Variants in RAB5A observed in about 807,000 individuals in gnomAD.
RAB5A encodes RAB5A, member RAS oncogene family.
RAB5A carries 8 observed loss-of-function variants against 25.7 expected under a neutral mutation model. The observed-to-expected ratio is 0.31, with a 90% confidence interval of 0.18 to 0.56. The LOEUF is 0.56. Ranked by LOEUF, RAB5A falls within the 20% of genes least tolerant of loss-of-function variation. RAB5A has a pLI of 0.91. For synonymous variants in RAB5A, 98 were observed against 89.8 expected (o/e 1.09, Z -0.52); for missense variants, 192 against 259.7 (o/e 0.74, Z 1.79).
At chr3:19,962,000 G>A (rs1254017870) in intron 2 of RAB5A, among the ~76,000 whole-genome samples, 1 of 152,122 alleles carries the variant, frequency 6.6e-6, no homozygotes, top group African/African-American at 2.4e-5. Flanking sequence ...TTCTCACTCT[G>A]ATCTTTTCCT....
At position 19,963,376 on chromosome 3, in the gene RAB5A, C is replaced by CCCCG. The variant is rs869290360; in HGVS notation, c.164-12223_164-12222insCGCC. Among the ~76,000 whole-genome samples the CCCCG allele has an allele frequency of 5.2e-3, 449 of 86,476 alleles. 4 individuals carry two copies. The highest frequency in any genetic ancestry group is 0.013 in the South Asian group (25 of 1,868). The allele number at this position is 86,476 out of a possible 152,430, so 56.7% of individuals were successfully genotyped here. On this transcript the variant is annotated intron_variant, in intron 2 of 5. Transcript: ENST00000273047. Reference sequence around the variant, plus strand: ...ATCTTAGAATTTCACCCCCCCCCCCCCCGACTTATTTTCGTAAGATCAATT... The same window carrying CCCCG: ...ATCTTAGAATTTCACCCCCCCCCCCCCCCGCCGACTTATTTTCGTAAGATCAATT...
At chr3:19,973,148 G>A (rs755242565) in intron 2 of RAB5A, among the ~76,000 whole-genome samples, 10 of 152,080 alleles carry the variant, frequency 6.6e-5, no homozygotes, top group African/African-American at 2.4e-4. Context: ...ATTTTATATC[G>A]GGGACTTGAG....
At chr3:19,982,763 TAAA>T (rs62910362) in intron 5 of RAB5A, among the ~76,000 whole-genome samples, 6 of 139,808 alleles carry the variant, frequency 4.3e-5, no homozygotes, top group Admixed American at 7.2e-5. Context: ...CCTTGTCTCT[TAAA>T]AAAAAAAAAA....
intron 2 of RAB5A, among the ~76,000 whole-genome samples, chr3:19,957,359 A>G (rs919861387): frequency 2.0e-5 from 3 of 152,042 alleles, no homozygotes; most frequent in Admixed American, 6.6e-5. Context: ...AAATTCTTAA[A>G]TGTCCTCACC....
At chr3:19,963,808 G>A (rs1696625213) in intron 2 of RAB5A, among the ~76,000 whole-genome samples, 1 of 151,936 alleles carries the variant, frequency 6.6e-6, no homozygotes, top group African/African-American at 2.4e-5. Context: ...CACCATGCCT[G>A]GCTAATTTAT....
Position 19,966,156 on chromosome 3 carries a change from C to G in RAB5A, c.164-9445C>G, listed in dbSNP as rs1379438063. On this transcript the variant is annotated intron_variant, in intron 2 of 5. Coordinates refer to ENST00000273047, the MANE Select transcript of RAB5A (RefSeq NM_004162.5). Reference sequence around the variant, plus strand: ...GTTGTGTAACTATCCAAAACTTTATCTTCCCTAGCTGAAACTCTGCACCCA... The same window carrying G: ...GTTGTGTAACTATCCAAAACTTTATGTTCCCTAGCTGAAACTCTGCACCCA... Among the ~76,000 whole-genome samples, 4 of 152,234 alleles carry G rather than the reference C, an allele frequency of 2.6e-5. 1 individual carries two copies. In the East Asian group the frequency reaches 7.7e-4, roughly 29 times the overall value.
intron 2 of RAB5A, among the ~76,000 whole-genome samples, chr3:19,961,536 A>T (rs7627396): frequency 6.6e-6 from 1 of 152,358 alleles, no homozygotes; most frequent in African/African-American, 2.4e-5. Flanking sequence ...GAACAAAAGA[A>T]TATAAGACGA....
Position 19,976,030 on chromosome 3 carries a change from G to GTT in RAB5A, c.316-15_316-14dup. On this transcript the variant is annotated splice_polypyrimidine_tract_variant and intron_variant, in intron 3 of 5. Coordinates refer to ENST00000273047, the MANE Select transcript of RAB5A (RefSeq NM_004162.5). The stretch of plus-strand genomic sequence containing the variant: ...TTTTTTGAGCCTGTGCTCAATGGCT[G>GTT]TTTCTTTGTTTAACAGGAGTCCTTT... The GTT allele has an allele frequency of 6.2e-7, 1 of 1,603,212 alleles. No homozygotes were observed. Among genetic ancestry groups the GTT allele is most frequent in the Non-Finnish European group, 8.5e-7 (1 of 1,177,388 alleles).
intron 2 of RAB5A, among the ~76,000 whole-genome samples, chr3:19,962,662 A>G (rs1575070648): frequency 1.3e-5 from 2 of 152,174 alleles, no homozygotes; most frequent in African/African-American, 2.4e-5. Context: ...TGCATGGGTC[A>G]TATTAGTAAT....
chr3:19,970,811 T>C (rs898069977), intron 2 of RAB5A: 2 of 309,756 alleles, frequency 6.5e-6, no homozygotes, highest in Non-Finnish European at 1.3e-5. Context: ...TATAAATTAC[T>C]AGTAATGTAT....
intron 2 of RAB5A, among the ~76,000 whole-genome samples, chr3:19,971,217 A>T (rs564310386): frequency 7.2e-4 from 107 of 148,822 alleles, no homozygotes; most frequent in African/African-American, 2.4e-3. Context: ...AAAAAAAAAC[A>T]CTATAGTAGT....
chr3:19,963,369 C>CG lies in RAB5A; in HGVS notation c.164-12232_164-12231insG, dbSNP rs1696616962. Among the ~76,000 whole-genome samples, 5 of 65,094 alleles carry CG rather than the reference C, an allele frequency of 7.7e-5. 1 individual carries two copies. Among genetic ancestry groups the CG allele is most frequent in the Admixed American group, 6.8e-4 (5 of 7,328 alleles). 42.7% of individuals were successfully genotyped at this position (65,094 alleles called of 152,430 possible). ...AGGGGATATCTTAGAATTTCACCCC[C>CG]CCCCCCCCCGACTTATTTTCGTAAG... On this transcript the variant is annotated intron_variant, in intron 2 of 5. Transcript: ENST00000273047.
chr3:19,953,757 T>C (rs1696459142), intron 2 of RAB5A, among the ~76,000 whole-genome samples: 1 of 152,142 alleles, frequency 6.6e-6, no homozygotes. Context: ...GCTGACCCCA[T>C]GTGAATACTA....
intron 2 of RAB5A, among the ~76,000 whole-genome samples, chr3:19,963,586 T>G (rs1357205231): frequency 6.6e-6 from 1 of 152,076 alleles, no homozygotes; most frequent in East Asian, 1.9e-4. Context: ...GAGTTTAAAG[T>G]TTTCCCTCTC....
intron 5 of RAB5A, among the ~76,000 whole-genome samples, chr3:19,979,353 G>C (rs1295843077): frequency 6.7e-6 from 1 of 148,502 alleles, no homozygotes; most frequent in Non-Finnish European, 1.5e-5. Flanking sequence ...GGACGATCTC[G>C]GCTCACTGCA....
rs1696814488 is a variant in RAB5A, at chr3:19,975,623, A to AT, written c.187dup (p.Cys63LeufsTer3). ...CAGCTGCTTTTCTAACCCAAACTGT[A>AT]TGTCTTGATGACACTACAGTAAAGT... On this transcript the variant is annotated frameshift_variant, in exon 3 of 6. Coordinates refer to ENST00000273047, the MANE Select transcript of RAB5A (RefSeq NM_004162.5). LOFTEE classifies it high-confidence loss of function. The AT allele has an allele frequency of 6.2e-7, 1 of 1,613,106 alleles. No individual in the cohort carries two copies. Among genetic ancestry groups the AT allele is most frequent in the Non-Finnish European group, 8.5e-7 (1 of 1,179,798 alleles).
At chr3:19,948,350 C>G (rs568422482) in intron 1 of RAB5A, among the ~76,000 whole-genome samples, 3 of 152,316 alleles carry the variant, frequency 2.0e-5, no homozygotes, top group South Asian at 2.1e-4. Flanking sequence ...TGGGAATACT[C>G]AAGACTGCTC....
Position 19,960,279 on chromosome 3 carries a change from G to A in RAB5A, c.163+9218G>A, listed in dbSNP as rs180819523. Among the ~76,000 whole-genome samples, 8 of 152,248 alleles carry A rather than the reference G, an allele frequency of 5.3e-5. No individual in the cohort carries two copies. In the East Asian group the frequency reaches 1.5e-3, roughly 29 times the overall value. On this transcript the variant is annotated intron_variant, in intron 2 of 5. Coordinates refer to ENST00000273047, the MANE Select transcript of RAB5A (RefSeq NM_004162.5). The stretch of plus-strand genomic sequence containing the variant: ...TGAAGGAGAATAAAGATGTGTGAGA[G>A]TAAGAAAAGCAATAAGAGTACTTCT...
chr3:19,982,631 T>A (rs1696951027), intron 5 of RAB5A, among the ~76,000 whole-genome samples: 1 of 152,020 alleles, frequency 6.6e-6, no homozygotes, highest in African/African-American at 2.4e-5. Flanking sequence ...GAAGAGTTGC[T>A]TGAGCCCAAG....
Sources: allele counts gnomAD v4.1 joint callset (sites outside exome capture counted in the v4.1 genomes callset), GRCh38; gene constraint gnomAD v4.1.1; transcripts MANE v1.5; gene names NCBI Gene and HGNC (gene_info 2026-07-23, HGNC 2026-07-21).